The following MRPS28 variants were observed in gnomAD, a reference collection of about 807,000 sequenced individuals.
The protein encoded by MRPS28 is small ribosomal subunit protein bS1m.
Under a neutral mutation model 10.8 loss-of-function variants are expected in MRPS28, and 7 were observed. The observed-to-expected ratio is 0.65, with a 90% CI of 0.37 to 1.22. MRPS28 has a LOEUF of 1.22. Ranked by LOEUF, MRPS28 falls within the 50% of genes most tolerant of loss-of-function variation. The pLI is 0.02. For missense variants in MRPS28, 265 were observed against 232.9 expected, an observed-to-expected ratio of 1.14 and a Z score of -0.90; for synonymous variants, 121 against 93.3, an observed-to-expected ratio of 1.30 and a Z score of -1.71.
At chr8:80,006,777 T>C (rs1352996220) in intron 1 of MRPS28, among the ~76,000 whole-genome samples, 1 of 152,138 alleles carries the variant, frequency 6.6e-6, no homozygotes, top group Non-Finnish European at 1.5e-5. Context: ...AGGCAATAAT[T>C]AATAGCCTAC....
At chr8:79,961,447 C>T (rs1807369121) in intron 2 of MRPS28, among the ~76,000 whole-genome samples, 1 of 152,110 alleles carries the variant, frequency 6.6e-6, no homozygotes. Flanking sequence ...TTCAGCTACC[C>T]AAATGCCAAA....
At chr8:79,972,101 A>C (rs1019483186) in intron 2 of MRPS28, among the ~76,000 whole-genome samples, 1 of 152,256 alleles carries the variant, frequency 6.6e-6, no homozygotes, top group Non-Finnish European at 1.5e-5. Flanking sequence ...CTACATCTGC[A>C]GATTCAGTCA....
chr8:79,994,894 C>G (rs116263525), intron 2 of MRPS28, among the ~76,000 whole-genome samples: 2 of 152,100 alleles, frequency 1.3e-5, no homozygotes, highest in Non-Finnish European at 2.9e-5. Context: ...GAGGCAGCCT[C>G]TCTCTCATTT....
intron 2 of MRPS28, among the ~76,000 whole-genome samples, chr8:79,939,915 A>G (rs1419816175): frequency 6.6e-6 from 1 of 151,556 alleles, no homozygotes; most frequent in Non-Finnish European, 1.5e-5. Context: ...GCTTGCAGTG[A>G]GCGGAGATCA....
chr8:79,982,882 T>A (rs539159473), intron 2 of MRPS28, among the ~76,000 whole-genome samples: 3,440 of 151,422 alleles, frequency 0.023, 93 homozygotes, highest in African/African-American at 0.059. Flanking sequence ...CAGACTTAAA[T>A]GTCCCTGTCT....
At chr8:79,992,684 A>G (rs1403565167) in intron 2 of MRPS28, among the ~76,000 whole-genome samples, 1 of 152,218 alleles carries the variant, frequency 6.6e-6, no homozygotes, top group African/African-American at 2.4e-5. Context: ...CAAATCTCAC[A>G]CACACTTATA....
chr8:79,994,958 T>C (rs1808462405), intron 2 of MRPS28, among the ~76,000 whole-genome samples: 1 of 152,176 alleles, frequency 6.6e-6, no homozygotes, highest in South Asian at 2.1e-4. Flanking sequence ...CTTTCGGCAC[T>C]TAGTATCTCC....
rs1809645255 is a variant in MRPS28 at position 80,030,120 on chromosome 8, C to T, written c.129G>A (p.Lys43=). 2 of 1,614,174 alleles carry T rather than the reference C, an allele frequency of 1.2e-6. No individual in the cohort carries two copies. Among genetic ancestry groups the T allele is most frequent in the South Asian group, 1.1e-5 (1 of 91,086 alleles). ...SGSESGSSNA[K]EPKTRAGGFA... Reference sequence around the variant, plus strand: ...AACCGCCTGCGCGCGTCTTAGGCTCCTTGGCATTGGAACTACCACTTTCGG... The same window carrying T: ...AACCGCCTGCGCGCGTCTTAGGCTCTTTGGCATTGGAACTACCACTTTCGG... The change falls in exon 1 of 3, where the codon AAG becomes AAA. Residue 43 remains lysine (K), a synonymous_variant. Coordinates refer to ENST00000276585, the MANE Select transcript of MRPS28 (RefSeq NM_014018.3).
chr8:80,017,421 A>G (rs1026547738), intron 1 of MRPS28, among the ~76,000 whole-genome samples: 3 of 152,140 alleles, frequency 2.0e-5, no homozygotes, highest in African/African-American at 7.2e-5. Flanking sequence ...TAGAAATGAA[A>G]GAGAGGACAT....
intron 2 of MRPS28, among the ~76,000 whole-genome samples, chr8:79,985,454 A>C (rs1808126486): frequency 6.6e-6 from 1 of 152,140 alleles, no homozygotes; most frequent in Admixed American, 6.6e-5. Flanking sequence ...ATAGAGACAC[A>C]AAAAACCCTT....
At chr8:79,952,177 T>TA (rs1807096387) in intron 2 of MRPS28, among the ~76,000 whole-genome samples, 1 of 152,230 alleles carries the variant, frequency 6.6e-6, no homozygotes, top group Admixed American at 6.5e-5. Context: ...TCAAATCATT[T>TA]AAAAACCCTC....
rs186500857 is a variant in MRPS28 at position 79,919,067 on chromosome 8, A to G, written c.477T>C (p.Asp159=). 88 of 1,611,788 alleles carry G rather than the reference A, an allele frequency of 5.5e-5. 1 individual carries two copies. In the African/African-American group the frequency reaches 1.1e-3, roughly 20 times the overall value. Residue 159 remains aspartate, a synonymous_variant, in exon 3 of 3, where the codon GAT becomes GAC. Coordinates refer to ENST00000276585, the MANE Select transcript of MRPS28 (RefSeq NM_014018.3). ...CTGCATTAGCCTCTAGTACAGTTGT[A>G]TCTGTTGTTGCTCCCAGGAACCTAG... ...LTSRFLGATT[D]TTVLEANAVL...
In MRPS28 at chr8:79,950,406, C is replaced by G. The variant is rs60295053; in HGVS notation, c.396-31258G>C. 5.4e-3 allele frequency among the ~76,000 whole-genome samples: 822 copies of G among 152,160 alleles called. 6 individuals carry two copies. Among genetic ancestry groups the G allele is most frequent in the African/African-American group, 0.018 (757 of 41,524 alleles). ...TCTCCCAGGAATGAGTAAGTTAATT[C>G]ATTAAATATTTATTAATTCATTAAA... is the stretch of plus-strand genomic sequence containing the variant. On this transcript the variant is annotated intron_variant, in intron 2 of 2. Transcript: ENST00000276585.
rs1353480703 is a variant in MRPS28 at position 79,982,115 on chromosome 8, C to T, written c.395+20884G>A. Among the ~76,000 whole-genome samples, 9 of 152,040 alleles carry T rather than the reference C, an allele frequency of 5.9e-5. No individual in the cohort carries two copies. The East Asian group carries it at 1.4e-3, about 23-fold the overall frequency. On this transcript the variant is annotated intron_variant, in intron 2 of 2. Transcript: ENST00000276585. ...TACAAAAATTAGGTGAGCATGGTGG[C>T]GGATGCCTGTAATCCCAGCTACTCA...
rs1432401712 is a variant in MRPS28, at chr8:80,002,989, T to C, written c.395+10A>G. 3 of 1,549,882 alleles carry C rather than the reference T, an allele frequency of 1.9e-6. No homozygotes were observed. Among genetic ancestry groups the C allele is most frequent in the Non-Finnish European group, 2.6e-6 (3 of 1,152,380 alleles). ...ATACTCTTAAGGTACTTGGAAATGATTTTACTTACTCTCCATCCACTTCTG... is the reference window on the plus strand; with the variant it reads ...ATACTCTTAAGGTACTTGGAAATGACTTTACTTACTCTCCATCCACTTCTG... On this transcript the variant is annotated intron_variant, in intron 2 of 2. Coordinates refer to ENST00000276585, the MANE Select transcript of MRPS28 (RefSeq NM_014018.3).
intron 2 of MRPS28, among the ~76,000 whole-genome samples, chr8:79,983,848 C>T (rs977000754): frequency 6.6e-6 from 1 of 152,206 alleles, no homozygotes; most frequent in East Asian, 1.9e-4. Flanking sequence ...GGAAAACACT[C>T]TGCAGGATAT....
chr8:79,918,882 T>C lies in MRPS28; in HGVS notation c.*98A>G. On this transcript the variant is annotated 3_prime_UTR_variant, in exon 3 of 3. Coordinates refer to ENST00000276585, the MANE Select transcript of MRPS28 (RefSeq NM_014018.3). ...ATCTATAATTATAGCTTTTATTTAT[T>C]ATATCTTCATTCAATCATTTATTCA... 2.0e-6 allele frequency: 2 copies of C among 1,009,186 alleles called. No homozygotes were observed. The highest frequency in any genetic ancestry group is 2.7e-6 in the Non-Finnish European group (2 of 735,344). 62.5% of individuals were successfully genotyped at this position (1,009,186 alleles called of 1,614,324 possible).
chr8:79,925,981 T>G (rs995940941), intron 2 of MRPS28, among the ~76,000 whole-genome samples: 1 of 137,558 alleles, frequency 7.3e-6, no homozygotes, highest in Non-Finnish European at 1.5e-5. Context: ...AGCAAGACCC[T>G]GTAGAGAAAA....
chr8:79,939,059 G>A (rs1309167397), intron 2 of MRPS28, among the ~76,000 whole-genome samples: 1 of 152,182 alleles, frequency 6.6e-6, no homozygotes, highest in Non-Finnish European at 1.5e-5. Context: ...CCTACTGAAA[G>A]ATCAGGGCCG....
Sources: gnomAD v4.1 joint callset for allele counts (sites outside exome capture counted in the v4.1 genomes callset) on GRCh38, gnomAD v4.1.1 for gene constraint, MANE v1.5 for transcripts, NCBI Gene and HGNC (gene_info 2026-07-23, HGNC 2026-07-21) for gene names.